TBCE: variants seen among roughly 807,000 people sequenced by gnomAD.
TBCE encodes tubulin folding cofactor E.
A neutral mutation model predicts 77.0 loss-of-function variants in TBCE; 53 were observed. The observed-to-expected ratio is 0.69, with a 90% CI of 0.55 to 0.87. The LOEUF (loss-of-function observed/expected upper bound fraction) is 0.87, where lower values mean the gene tolerates loss of function less well. Ranked by LOEUF, TBCE falls within the 40% of genes least tolerant of loss-of-function variation. The pLI, the probability that TBCE is intolerant of heterozygous loss-of-function variation, is 0.00. For missense variants in TBCE, 624 were observed against 622.4 expected, an observed-to-expected ratio of 1.00 and a Z score of -0.03; for synonymous variants, 235 against 241.3, an observed-to-expected ratio of 0.97 and a Z score of 0.24.
chr1:235,400,101 C>T (rs903459138), intron 2 of TBCE, among the ~76,000 whole-genome samples: 1 of 152,088 alleles, frequency 6.6e-6, no homozygotes, highest in African/African-American at 2.4e-5. Context: ...CTCTGGTTTA[C>T]AGAAATCTAG....
intron 1 of TBCE, among the ~76,000 whole-genome samples, chr1:235,377,873 G>A (rs1240517095): frequency 6.6e-6 from 1 of 151,748 alleles, no homozygotes; most frequent in Non-Finnish European, 1.5e-5. Context: ...GGCTGGTCTC[G>A]AACTCCTGAC....
At chr1:235,376,032 C>T (rs1010895239) in intron 1 of TBCE, among the ~76,000 whole-genome samples, 2 of 152,130 alleles carry the variant, frequency 1.3e-5, no homozygotes, top group East Asian at 1.9e-4. Context: ...GGTAACAGAG[C>T]GAGACTCTTC....
chr1:235,369,742 G>T (rs1676790475), intron 1 of TBCE, among the ~76,000 whole-genome samples: 2 of 151,528 alleles, frequency 1.3e-5, no homozygotes, highest in South Asian at 4.2e-4. Flanking sequence ...CAGGAGAATT[G>T]CTTGAACCTG....
chr1:235,448,264 T>C, intron 15 of TBCE, 85 bp from the exon 16 acceptor site: 1 of 954,622 alleles, frequency 1.0e-6, no homozygotes, highest in Non-Finnish European at 1.7e-6. Flanking sequence ...ATCATTGCAA[T>C]GATACTGTGG....
chr1:235,450,655 G>A lies in TBCE; in HGVS notation c.*1893G>A. On this transcript the variant is annotated 3_prime_UTR_variant, in exon 17 of 17. Transcript: ENST00000642610. The stretch of plus-strand genomic sequence containing the variant: ...GTTTCATGTTTGCTAGTAAAGGTGT[G>A]TCTATGGCAGTATTAGTAACAGCTA... The A allele has an allele frequency of 3.4e-6, 1 of 294,892 alleles. No individual in the cohort carries two copies. Among genetic ancestry groups the A allele is most frequent in the South Asian group, 4.3e-5 (1 of 23,418 alleles). 18.3% of individuals were successfully genotyped at this position (294,892 alleles called of 1,614,324 possible). A position where few individuals can be genotyped will look rare whatever the true frequency, so the allele number is the denominator to read the frequency against.
At chr1:235,412,900 T>C (rs1679894766) in intron 3 of TBCE, among the ~76,000 whole-genome samples, 1 of 152,086 alleles carries the variant, frequency 6.6e-6, no homozygotes, top group Admixed American at 6.6e-5. Context: ...GCCTCCCGGG[T>C]TCAAGTGATT....
intron 2 of TBCE, among the ~76,000 whole-genome samples, chr1:235,391,511 G>A (rs531354244): frequency 6.7e-6 from 1 of 149,496 alleles, no homozygotes; most frequent in East Asian, 2.0e-4. Flanking sequence ...AAAGAAAGTA[G>A]AGAGAATAGT....
intron 8 of TBCE, 91 bp from the exon 9 acceptor site, chr1:235,435,654 C>G: frequency 8.1e-7 from 1 of 1,227,234 alleles, no homozygotes. Flanking sequence ...CCCCAGCCCT[C>G]CATCGCACCA....
At chr1:235,422,513 CT>C (rs1370488135) in intron 5 of TBCE, among the ~76,000 whole-genome samples, 1 of 148,076 alleles carries the variant, frequency 6.8e-6, no homozygotes, top group Non-Finnish European at 1.5e-5. Context: ...AGGACTCCAT[CT>C]CAAAAAAAAA....
rs1005936051 is a variant in TBCE, at chr1:235,441,795, C to G, written c.1271-19C>G. 1.2e-6 allele frequency: 2 copies of G among 1,612,298 alleles called. No individual in the cohort carries two copies. The highest frequency in any genetic ancestry group is 1.7e-6 in the Non-Finnish European group (2 of 1,178,652). ...GTGGCCTTTGGTTTATCATTCATCTCTTTTGCTTTCTTAAACAGAATATGG... is the reference window on the plus strand; with the variant it reads ...GTGGCCTTTGGTTTATCATTCATCTGTTTTGCTTTCTTAAACAGAATATGG... On this transcript the variant is annotated intron_variant, in intron 13 of 16. Coordinates refer to ENST00000642610, the MANE Select transcript of TBCE (RefSeq NM_003193.5).
At chr1:235,405,025 C>T (rs1277148207) in intron 3 of TBCE, among the ~76,000 whole-genome samples, 1 of 150,038 alleles carries the variant, frequency 6.7e-6, no homozygotes. Flanking sequence ...TGCAGTGGCA[C>T]AACCTCGGCT....
At position 235,441,856 on chromosome 1, in the gene TBCE, C is replaced by T; in HGVS notation, c.1313C>T (p.Pro438Leu). Residue 438 changes from proline (P) to leucine (L), a missense_variant, in exon 14 of 17, where the codon CCA (proline) becomes CTA (leucine). Pro to Leu is a moderately conservative substitution (Grantham distance 98). Transcript: ENST00000642610. ...GATTGGGAACTCAAAACACAGCAAC[C>T]ACTTATGCTGAAAAACCAGCTACTA... ...PEDWELKTQQ[P>L]LMLKNQLLTL... 6.2e-7 allele frequency: 1 copy of T among 1,614,016 alleles called. No homozygotes were observed. Among genetic ancestry groups the T allele is most frequent in the Non-Finnish European group, 8.5e-7 (1 of 1,179,992 alleles).
chr1:235,433,224 A>C, intron 7 of TBCE: 2 of 1,261,512 alleles, frequency 1.6e-6, no homozygotes, highest in Non-Finnish European at 2.0e-6. Context: ...GCGTCATCTC[A>C]ACTATTTGGT....
intron 2 of TBCE, among the ~76,000 whole-genome samples, chr1:235,397,263 G>A (rs897690691): frequency 3.4e-5 from 5 of 148,552 alleles, no homozygotes; most frequent in African/African-American, 1.2e-4. Flanking sequence ...GTGCAGTGGC[G>A]CGATCTGGGC....
At chr1:235,386,151 C>G (rs1181311868) in intron 2 of TBCE, among the ~76,000 whole-genome samples, 2 of 152,230 alleles carry the variant, frequency 1.3e-5, no homozygotes, top group East Asian at 1.9e-4. Flanking sequence ...GGCTCCCACT[C>G]TCTTCTGGCT....
chr1:235,444,676 G>A (rs977293639), intron 15 of TBCE, among the ~76,000 whole-genome samples: 4 of 152,184 alleles, frequency 2.6e-5, no homozygotes, highest in Non-Finnish European at 5.9e-5. Flanking sequence ...AAGTGCTGGG[G>A]TTATAGGTGT....
At chr1:235,420,918 C>G (rs1382467992) in intron 5 of TBCE, among the ~76,000 whole-genome samples, 1 of 152,190 alleles carries the variant, frequency 6.6e-6, no homozygotes, top group African/African-American at 2.4e-5. Context: ...GAGCCACATA[C>G]CTGGCCTCAT....
At chr1:235,423,402 TCTAG>T (rs951830120) in intron 5 of TBCE, among the ~76,000 whole-genome samples, 5 of 152,046 alleles carry the variant, frequency 3.3e-5, no homozygotes, top group African/African-American at 1.2e-4. Flanking sequence ...AAACAATAAC[TCTAG>T]GCTACATAAT....
intron 1 of TBCE, among the ~76,000 whole-genome samples, chr1:235,371,367 T>C (rs1263847685): frequency 6.6e-6 from 1 of 151,104 alleles, no homozygotes; most frequent in Non-Finnish European, 1.5e-5. Flanking sequence ...CTCTTGTCTT[T>C]TTTTTTTTCC....
Sources: gnomAD v4.1 joint callset for allele counts (sites outside exome capture counted in the v4.1 genomes callset) on GRCh38, gnomAD v4.1.1 for gene constraint, MANE v1.5 for transcripts, NCBI Gene and HGNC (gene_info 2026-07-23, HGNC 2026-07-21) for gene names.